The following RAB33B variants were observed in gnomAD, a reference collection of about 807,000 sequenced individuals.
RAB33B encodes ras-related protein Rab-33B.
In RAB33B, 6 loss-of-function variants were observed where a neutral mutation model predicts 15.0. The ratio of observed to expected loss-of-function variants is 0.40; its 90% CI spans 0.22 to 0.79. The LOEUF is 0.79. Ranked by LOEUF, RAB33B falls within the 30% of genes least tolerant of loss-of-function variation. The pLI is 0.37. For synonymous variants in RAB33B, 117 were observed against 108.3 expected, an observed-to-expected ratio of 1.08 and a Z score of -0.50; for missense variants, 257 against 296.4, an observed-to-expected ratio of 0.87 and a Z score of 0.98.
At chr4:139,462,015 T>G (rs115135145) in intron 1 of RAB33B, among the ~76,000 whole-genome samples, 1,581 of 151,572 alleles carry the variant, frequency 0.01, 33 homozygotes, top group African/African-American at 0.036. Flanking sequence ...TAGCTACTGC[T>G]AAATACTAAT....
upstream of RAB33B, chr4:139,449,387 CA>C (rs1409678584): frequency 6.6e-6 from 1 of 152,092 alleles, no homozygotes; most frequent in Non-Finnish European, 1.5e-5. Flanking sequence ...ATGGTTAATA[CA>C]GTCAACTTGA....
chr4:139,454,050 C>G, upstream of RAB33B: 1 of 963,116 alleles, frequency 1.0e-6, no homozygotes, highest in Non-Finnish European at 1.5e-6. Context: ...GGAAGGTGCG[C>G]AGGCGCGCTC....
the RAB33B span, among the ~76,000 whole-genome samples, chr4:139,444,511 C>T: frequency 3.9e-5 from 6 of 152,176 alleles, no homozygotes; most frequent in Admixed American, 2.0e-4. Context: ...CTCTCATTCT[C>T]CCCCAAGAAG....
Position 139,472,674 on chromosome 4 carries a change from TCCCA to T in RAB33B, c.250-11_250-8del, listed in dbSNP as rs1313107697. ...GGATTTTCAGTTTTCCTCTTTTTCT[TCCCA>T]TTTTTAGATCCAGCTATGGGACACA... On this transcript the variant is annotated splice_polypyrimidine_tract_variant and splice_region_variant and intron_variant, in intron 1 of 1. Transcript: ENST00000305626. 2 of 1,564,988 alleles carry T rather than the reference TCCCA, an allele frequency of 1.3e-6. No individual in the cohort carries two copies. Among genetic ancestry groups the T allele is most frequent in the Admixed American group, 1.9e-5 (1 of 52,340 alleles).
At chr4:139,460,506 A>G (rs1750152678) in intron 1 of RAB33B, among the ~76,000 whole-genome samples, 1 of 152,190 alleles carries the variant, frequency 6.6e-6, no homozygotes, top group Non-Finnish European at 1.5e-5. Flanking sequence ...GATCTTCATT[A>G]AAAGTAAATT....
At chr4:139,453,933 A>G (rs1193223522), upstream of RAB33B, 3 of 335,114 alleles carry the variant, frequency 9.0e-6, no homozygotes, top group Non-Finnish European at 1.6e-5. Flanking sequence ...ACGCCTGCCT[A>G]GGTAGACCGG....
chr4:139,466,305 A>G (rs1750283813), intron 1 of RAB33B, among the ~76,000 whole-genome samples: 1 of 152,208 alleles, frequency 6.6e-6, no homozygotes, highest in Non-Finnish European at 1.5e-5. Flanking sequence ...AAAGGGAGAA[A>G]TTACCTTGGA....
At chr4:139,464,029 T>G (rs1279026203) in intron 1 of RAB33B, among the ~76,000 whole-genome samples, 1 of 152,186 alleles carries the variant, frequency 6.6e-6, no homozygotes, top group East Asian at 1.9e-4. Flanking sequence ...TCCCAAAGCT[T>G]TGGAAGGCCA....
chr4:139,464,834 T>A (rs1439802169), intron 1 of RAB33B, among the ~76,000 whole-genome samples: 1 of 152,238 alleles, frequency 6.6e-6, no homozygotes, highest in Non-Finnish European at 1.5e-5. Context: ...TTGTGAATAG[T>A]GCTGTAATAA....
At position 139,454,395 on chromosome 4, in the gene RAB33B, G is replaced by T. The variant is rs759147084; in HGVS notation, c.200G>T (p.Gly67Val). The stretch of plus-strand genomic sequence containing the variant: ...CCCGACCGCACCGAGGCCACGATAG[G>T]GGTGGATTTCCGAGAACGAGCGGTG... Reference protein sequence around the residue: ...RFPDRTEATIGVDFRERAVEI... With the variant: ...RFPDRTEATIVVDFRERAVEI... The change falls in exon 1 of 2, where the codon GGG (glycine) becomes GTG (valine). Residue 67 changes from glycine to valine, a missense_variant. By Grantham distance (109) the Gly-to-Val change is moderately radical. Transcript: ENST00000305626. 3.7e-6 allele frequency: 6 copies of T among 1,613,182 alleles called. No individual in the cohort carries two copies. The highest frequency in any genetic ancestry group is 5.1e-6 in the Non-Finnish European group (6 of 1,180,024).
the RAB33B span, among the ~76,000 whole-genome samples, chr4:139,441,987 A>AT: frequency 4.6e-3 from 697 of 151,838 alleles, 5 homozygotes; most frequent in African/African-American, 0.016. Flanking sequence ...TCATGTTTCT[A>AT]TTTTTTTTGT....
At chr4:139,457,620 A>ATGAG (rs1421357030) in intron 1 of RAB33B, among the ~76,000 whole-genome samples, 1 of 152,220 alleles carries the variant, frequency 6.6e-6, no homozygotes, top group East Asian at 1.9e-4. Context: ...CAAATATTTA[A>ATGAG]TGAGTAATTG....
chr4:139,465,766 G>A (rs927744833), intron 1 of RAB33B, among the ~76,000 whole-genome samples: 1 of 140,194 alleles, frequency 7.1e-6, no homozygotes, highest in African/African-American at 2.6e-5. Context: ...GTCTCACTCT[G>A]TTGCCCAGGC....
intron 1 of RAB33B, among the ~76,000 whole-genome samples, chr4:139,458,132 T>C (rs998171539): frequency 2.6e-5 from 4 of 152,218 alleles, no homozygotes; most frequent in African/African-American, 9.6e-5. Context: ...TTCTCCATTA[T>C]GTTATAAAGT....
chr4:139,460,655 T>C (rs1750155021), intron 1 of RAB33B, among the ~76,000 whole-genome samples: 1 of 152,202 alleles, frequency 6.6e-6, no homozygotes, highest in African/African-American at 2.4e-5. Context: ...TGATTTGATT[T>C]GATTTGCATT....
intron 1 of RAB33B, among the ~76,000 whole-genome samples, chr4:139,465,446 A>G (rs1005765151): frequency 1.1e-4 from 17 of 152,180 alleles, no homozygotes; most frequent in Non-Finnish European, 2.2e-4. Flanking sequence ...TTGGTGTTTT[A>G]GACATGGAGT....
At chr4:139,457,855 T>G (rs1241312669) in intron 1 of RAB33B, among the ~76,000 whole-genome samples, 1 of 152,236 alleles carries the variant, frequency 6.6e-6, no homozygotes, top group Non-Finnish European at 1.5e-5. Context: ...TAATCCTTCT[T>G]ATCCTTGTAC....
chr4:139,472,692 C>A lies in RAB33B; in HGVS notation c.256C>A (p.Leu86Ile). The A allele has an allele frequency of 6.3e-7, 1 of 1,593,400 alleles. No homozygotes were observed. Among genetic ancestry groups the A allele is most frequent in the Non-Finnish European group, 8.6e-7 (1 of 1,165,132 alleles). The part of the protein sequence containing the change: ...EIDGERIKIQ[L>I]WDTAGQERFR... ...TTTTTCTTCCCATTTTTAGATCCAG[C>A]TATGGGACACAGCAGGACAAGAACG... is the stretch of plus-strand genomic sequence containing the variant. Residue 86 changes from leucine to isoleucine, a missense_variant, in exon 2 of 2, where the codon CTA becomes ATA. Coordinates refer to ENST00000305626, the MANE Select transcript of RAB33B (RefSeq NM_031296.3).
rs1255014432 is a variant in RAB33B, at chr4:139,476,018, T to A, written c.*2892T>A. On this transcript the variant is annotated 3_prime_UTR_variant, in exon 2 of 2. Coordinates refer to ENST00000305626, the MANE Select transcript of RAB33B (RefSeq NM_031296.3). ...ATAATATTATATATATGATACACTT[T>A]TGAAAACAACAAAAAGCCCCCAACC... 6.6e-6 allele frequency: 1 copy of A among 152,202 alleles called. No individual in the cohort carries two copies. The highest frequency in any genetic ancestry group is 2.4e-5 in the African/African-American group (1 of 41,452). The allele number at this position is 152,202 out of a possible 1,614,324, so 9.4% of individuals were successfully genotyped here. A position where few individuals can be genotyped will look rare whatever the true frequency, so the allele number is the denominator to read the frequency against.
Sources: gnomAD v4.1 joint callset for allele counts (sites outside exome capture counted in the v4.1 genomes callset) on GRCh38, gnomAD v4.1.1 for gene constraint, MANE v1.5 for transcripts, NCBI Gene and HGNC (gene_info 2026-07-23, HGNC 2026-07-21) for gene names.